The following SLC6A3 variants were observed in gnomAD, a reference collection of about 807,000 sequenced individuals.
SLC6A3 encodes solute carrier family 6 member 3.
In SLC6A3, 19 loss-of-function variants were observed where a neutral mutation model predicts 70.4. The ratio of observed to expected loss-of-function variants is 0.27; its 90% confidence interval spans 0.19 to 0.40. The LOEUF (loss-of-function observed/expected upper bound fraction) is 0.40, where lower values mean the gene tolerates loss of function less well. SLC6A3 is among the 10% of genes least tolerant of loss of function. The pLI, the probability that SLC6A3 is intolerant of heterozygous loss-of-function variation, is 1.00. For missense variants in SLC6A3, 613 were observed against 838.5 expected, an observed-to-expected ratio of 0.73 and a Z score of 3.32; for synonymous variants, 368 against 356.6, an observed-to-expected ratio of 1.03 and a Z score of -0.36.
chr5:1,437,642 C>A lies in SLC6A3; in HGVS notation c.418+3717G>T, dbSNP rs1360297930. Among the ~76,000 whole-genome samples, 1 of 152,224 alleles carries A rather than the reference C, an allele frequency of 6.6e-6. No individual in the cohort carries two copies. Among genetic ancestry groups the A allele is most frequent in the Non-Finnish European group, 1.5e-5 (1 of 68,034 alleles). ...ATGCACGTGAGTCATGGCTGCTGAG[C>A]AGCTGGGCCTCACCATGAACTCCGC... On this transcript the variant is annotated intron_variant, in intron 3 of 14. Transcript: ENST00000270349. The surrounding 1 kb of genome is among the most constrained non-coding windows in gnomAD (Gnocchi z 4.8).
chr5:1,443,250 C>T lies in SLC6A3; in HGVS notation c.-45-8G>A. On this transcript the variant is annotated splice_polypyrimidine_tract_variant and splice_region_variant and intron_variant, in intron 1 of 14. Coordinates refer to ENST00000270349, the MANE Select transcript of SLC6A3 (RefSeq NM_001044.5). ...TGCTTCTTCCCTCTTGGTCTTCAGC[C>T]AATATGAAAAATAAACACACAACAG... is the stretch of plus-strand genomic sequence containing the variant. 6.3e-7 allele frequency: 1 copy of T among 1,593,092 alleles called. No homozygotes were observed. Among genetic ancestry groups the T allele is most frequent in the Non-Finnish European group, 8.6e-7 (1 of 1,162,478 alleles).
In SLC6A3 at chr5:1,406,877, G is replaced by A. The variant is rs1008478420; in HGVS notation, c.1499-589C>T. Among the ~76,000 whole-genome samples, 3 of 152,178 alleles carry A rather than the reference G, an allele frequency of 2.0e-5. No homozygotes were observed. The highest frequency in any genetic ancestry group is 2.4e-5 in the African/African-American group (1 of 41,514). ...AATGTGACTCCTGTGGGAACCTCCC[G>A]TCAGTGGAGTCACGTGGCACGGGGC... is the stretch of plus-strand genomic sequence containing the variant. On this transcript the variant is annotated intron_variant, in intron 11 of 14. Transcript: ENST00000270349. This position sits in a 1 kb window ranked among gnomAD's most constrained non-coding sequence, Gnocchi z 8.8.
intron 4 of SLC6A3, among the ~76,000 whole-genome samples, chr5:1,430,247 G>A (rs544174872): frequency 2.0e-5 from 3 of 152,090 alleles, no homozygotes; most frequent in East Asian, 1.9e-4. Flanking sequence ...TCGTGGCACC[G>A]TCCTCCTCAG....
intron 3 of SLC6A3, among the ~76,000 whole-genome samples, chr5:1,433,684 CACAGCCATCT>C (rs1348647542): frequency 6.6e-6 from 1 of 152,152 alleles, no homozygotes; most frequent in African/African-American, 2.4e-5. Flanking sequence ...CACAACCATC[CACAGCCATCT>C]ACAGACATCC....
At chr5:1,415,192 C>T (rs1363209261) in intron 7 of SLC6A3, among the ~76,000 whole-genome samples, 2 of 152,104 alleles carry the variant, frequency 1.3e-5, no homozygotes, top group Admixed American at 6.5e-5. Context: ...CATGGGGTCT[C>T]GGGGGCTGTG....
chr5:1,410,084 G>A (rs1451336409), intron 9 of SLC6A3, among the ~76,000 whole-genome samples: 1 of 152,230 alleles, frequency 6.6e-6, no homozygotes. Flanking sequence ...CCACGGTAGG[G>A]GGTTTGCAGC....
chr5:1,417,730 C>G (rs577626752), intron 6 of SLC6A3, among the ~76,000 whole-genome samples: 156 of 152,310 alleles, frequency 1.0e-3, no homozygotes, highest in African/African-American at 3.6e-3. Flanking sequence ...GCCAACCCCC[C>G]CTTGGAGGCA....
intron 3 of SLC6A3, among the ~76,000 whole-genome samples, chr5:1,439,447 G>C (rs1756920841): frequency 6.6e-6 from 1 of 152,230 alleles, no homozygotes; most frequent in Non-Finnish European, 1.5e-5. Context: ...AGCCCATTAA[G>C]AACGAATGAG....
chr5:1,410,949 T>C (rs558145956), intron 9 of SLC6A3, among the ~76,000 whole-genome samples: 114 of 147,728 alleles, frequency 7.7e-4, no homozygotes, highest in Non-Finnish European at 1.5e-3. Flanking sequence ...TGTGTGCGTG[T>C]ATGTGTGTGT....
chr5:1,434,140 G>C (rs188959624), intron 3 of SLC6A3, among the ~76,000 whole-genome samples: 78 of 152,364 alleles, frequency 5.1e-4, no homozygotes, highest in Admixed American at 4.7e-3. Flanking sequence ...GCCATGTGGA[G>C]CCATCCAAGG....
rs1440147560 is a variant in SLC6A3 at position 1,438,739 on chromosome 5, G to A, written c.418+2620C>T. Among the ~76,000 whole-genome samples, 1 of 152,152 alleles carries A rather than the reference G, an allele frequency of 6.6e-6. No homozygotes were observed. The highest frequency in any genetic ancestry group is 1.5e-5 in the Non-Finnish European group (1 of 68,024). ...GCTCCAACACCAGGCTCACTGGCGG[G>A]AGTGGGGCACAGGGCTGTGCCTTGT... On this transcript the variant is annotated intron_variant, in intron 3 of 14. Coordinates refer to ENST00000270349, the MANE Select transcript of SLC6A3 (RefSeq NM_001044.5). The surrounding 1 kb of genome is among the most constrained non-coding windows in gnomAD (Gnocchi z 6.5).
At chr5:1,441,526 C>A in intron 2 of SLC6A3, 36 bp from the exon 3 acceptor site, 1 of 1,608,964 alleles carries the variant, frequency 6.2e-7, no homozygotes, top group East Asian at 2.2e-5. Context: ...TTTGGGGCCT[C>A]GGAAGGGCCC....
Position 1,438,659 on chromosome 5 carries a change from C to T in SLC6A3, c.418+2700G>A, listed in dbSNP as rs1293944591. On this transcript the variant is annotated intron_variant, in intron 3 of 14. Transcript: ENST00000270349. The surrounding 1 kb of genome is among the most constrained non-coding windows in gnomAD (Gnocchi z 6.5). ...CTCTTATCTGCGGACCTACAGGTCCCTTTTTCTCCTGCCCTCCTCACCTGA... is the reference window on the plus strand; with the variant it reads ...CTCTTATCTGCGGACCTACAGGTCCTTTTTTCTCCTGCCCTCCTCACCTGA... Among the ~76,000 whole-genome samples the T allele has an allele frequency of 1.3e-5, 2 of 152,184 alleles. No individual in the cohort carries two copies. Among genetic ancestry groups the T allele is most frequent in the Non-Finnish European group, 2.9e-5 (2 of 68,024 alleles).
chr5:1,432,566 C>T lies in SLC6A3; in HGVS notation c.551G>A (p.Trp184Ter). The change falls in exon 4 of 15, where the codon TGG (tryptophan) becomes TAG (stop). Residue 184 changes from tryptophan to a stop codon, truncating the protein, a stop_gained. Transcript: ENST00000270349. LOFTEE classifies it high-confidence loss of function. ...GGCATCCGAGCAGTTGGGGCTGTTC[C>T]AGGAGTTGTTGCAGTGGATCCAGGG... ...ELPWIHCNNS[W>*]NSPNCSDAHP... The T allele has an allele frequency of 6.2e-7, 1 of 1,614,234 alleles. No individual in the cohort carries two copies. The highest frequency in any genetic ancestry group is 8.5e-7 in the Non-Finnish European group (1 of 1,180,034).
intron 6 of SLC6A3, among the ~76,000 whole-genome samples, chr5:1,419,163 C>A (rs1756377657): frequency 6.6e-6 from 1 of 151,140 alleles, no homozygotes; most frequent in South Asian, 2.1e-4. Flanking sequence ...CATCATCCAT[C>A]CATCCATACT....
chr5:1,399,298 T>C (rs935685006), intron 14 of SLC6A3, among the ~76,000 whole-genome samples: 1 of 152,074 alleles, frequency 6.6e-6, no homozygotes, highest in African/African-American at 2.4e-5. Flanking sequence ...AAAAATACTA[T>C]GAAAAAAATA....
At chr5:1,399,229 G>A (rs1449648435) in intron 14 of SLC6A3, among the ~76,000 whole-genome samples, 1 of 152,140 alleles carries the variant, frequency 6.6e-6, no homozygotes, top group Non-Finnish European at 1.5e-5. Flanking sequence ...TTTTAAGCAA[G>A]TTATGAGTTG....
chr5:1,439,182 G>A (rs1756910265), intron 3 of SLC6A3, among the ~76,000 whole-genome samples: 1 of 152,182 alleles, frequency 6.6e-6, no homozygotes, highest in Non-Finnish European at 1.5e-5. Flanking sequence ...CCTGATATCA[G>A]GGACCTGACG....
chr5:1,422,585 TACCCACC>T (rs1756471057), intron 4 of SLC6A3, among the ~76,000 whole-genome samples: 1 of 129,862 alleles, frequency 7.7e-6, no homozygotes, highest in African/African-American at 3.0e-5. Context: ...CGCTGCTGGG[TACCCACC>T]GCTGCCCAGT....
Sources: gnomAD v4.1 joint callset for allele counts (sites outside exome capture counted in the v4.1 genomes callset) on GRCh38, gnomAD v4.1.1 for gene constraint, Gnocchi (gnomAD v3.1) non-coding constraint, MANE v1.5 for transcripts, NCBI Gene and HGNC (gene_info 2026-07-23, HGNC 2026-07-21) for gene names.